SLC25A15: variants seen among roughly 807,000 people sequenced by gnomAD.
SLC25A15 encodes the protein solute carrier family 25 member 15, also known as mitochondrial ornithine transporter 1.
A neutral mutation model predicts 32.3 loss-of-function variants in SLC25A15; 24 were observed. That is an observed-to-expected ratio of 0.74 (90% CI 0.54 to 1.04). The LOEUF is 1.04. SLC25A15 is among the 50% of genes least tolerant of loss of function. SLC25A15 has a pLI of 0.00. For missense variants in SLC25A15, 317 were observed against 374.5 expected (o/e 0.85, Z 1.27); for synonymous variants, 132 against 142.1 (o/e 0.93, Z 0.51).
chr13:40,802,379 C>A (rs2138050113), intron 3 of SLC25A15: 1 of 152,322 alleles, frequency 6.6e-6, no homozygotes, highest in Non-Finnish European at 1.5e-5. Context: ...GAAGTCCTTA[C>A]TGCAAACAGT....
chr13:40,808,006 A>C (rs1271210469), intron 5 of SLC25A15, among the ~76,000 whole-genome samples: 1 of 152,214 alleles, frequency 6.6e-6, no homozygotes, highest in African/African-American at 2.4e-5. Context: ...ATGTTTAATA[A>C]AAACAATTTT....
chr13:40,800,486 T>A (rs1273808824), intron 3 of SLC25A15, among the ~76,000 whole-genome samples: 1 of 152,138 alleles, frequency 6.6e-6, no homozygotes, highest in East Asian at 1.9e-4. Flanking sequence ...TGTTCCCTGT[T>A]GAAGGAGAGA....
intron 1 of SLC25A15, among the ~76,000 whole-genome samples, 159 bp downstream of exon 1, chr13:40,789,822 G>A (rs964411838): frequency 4.3e-4 from 66 of 152,160 alleles, no homozygotes; most frequent in African/African-American, 1.5e-3. Flanking sequence ...CGCGGGACTC[G>A]GAGAATCTCG....
rs104894431 is a variant in SLC25A15 at position 40,809,585 on chromosome 13, G to T, written c.824G>T (p.Arg275Leu). 1 of 1,612,018 alleles carries T rather than the reference G, an allele frequency of 6.2e-7. No homozygotes were observed. The highest frequency in any genetic ancestry group is 1.7e-5 in the Admixed American group (1 of 59,996). ...LYSGLKPTMIRAFPANGALFL... is the reference protein window; with the variant it reads ...LYSGLKPTMILAFPANGALFL... ...TCTGGACTGAAACCTACTATGATTC[G>T]AGCATTCCCTGCCAATGGAGCACTC... Residue 275 changes from arginine to leucine, a missense_variant, in exon 7 of 7, where the codon CGA becomes CTA. Transcript: ENST00000338625.
intron 6 of SLC25A15, 66 bp downstream of exon 6, chr13:40,808,662 G>A: frequency 6.9e-7 from 1 of 1,459,278 alleles, no homozygotes; most frequent in Non-Finnish European, 9.4e-7. Flanking sequence ...GGCCGGGCGT[G>A]GTGGCTCATG....
chr13:40,805,284 G>T (rs1286920467), intron 4 of SLC25A15, 29 bp downstream of exon 4: 2 of 1,613,518 alleles, frequency 1.2e-6, no homozygotes, highest in African/African-American at 2.7e-5. Flanking sequence ...CAAACGTCAG[G>T]TCTCTATTGC....
chr13:40,807,328 A>G lies in SLC25A15; in HGVS notation c.487A>G (p.Lys163Glu), dbSNP rs747458822. 9 of 1,613,906 alleles carry G rather than the reference A, an allele frequency of 5.6e-6. No homozygotes were observed. In the South Asian group the frequency reaches 9.9e-5, roughly 18 times the overall value. ...VWSVIKSILR[K>E]DGPLGFYHGL... ...GTCTGTCATCAAAAGTATTCTTAGG[A>G]AAGATGGCCCCTTGGGGTTCTACCA... Residue 163 changes from lysine (K) to glutamate (E), a missense_variant, in exon 5 of 7, where the codon AAA becomes GAA. Lys to Glu is a moderately conservative substitution (Grantham distance 56). Coordinates refer to ENST00000338625, the MANE Select transcript of SLC25A15 (RefSeq NM_014252.4).
Position 40,807,481 on chromosome 13 carries a change from G to T in SLC25A15, c.622+18G>T. The T allele has an allele frequency of 1.2e-6, 2 of 1,613,556 alleles. No individual in the cohort carries two copies. Among genetic ancestry groups the T allele is most frequent in the South Asian group, 2.2e-5 (2 of 91,056 alleles). On this transcript the variant is annotated intron_variant, in intron 5 of 6. Transcript: ENST00000338625. ...TGAATTAGGTAAATGTGTTTGCATT[G>T]ACAGCAGTGGGGTGTGATGGTGTTT...
intron 2 of SLC25A15, 159 bp from the exon 3 acceptor site, chr13:40,798,898 T>G (rs1881764626): frequency 1.0e-6 from 1 of 985,292 alleles, no homozygotes; most frequent in South Asian, 4.7e-5. Context: ...AAGGACCTGC[T>G]CTAAATTGTT....
In SLC25A15 at chr13:40,795,775, A is replaced by T. The variant is rs1055353363; in HGVS notation, c.55+2494A>T. 2.0e-5 allele frequency among the ~76,000 whole-genome samples: 3 copies of T among 152,248 alleles called. No individual in the cohort carries two copies. The South Asian group carries it at 6.2e-4, about 32-fold the overall frequency. ...GGAATGCAAATGGAACCCACTTTTG[A>T]GGATCTTGGAGTCTTGGAGTGCTGG... On this transcript the variant is annotated intron_variant, in intron 2 of 6. Transcript: ENST00000338625.
intron 2 of SLC25A15, among the ~76,000 whole-genome samples, chr13:40,797,575 G>T (rs892410059): frequency 6.6e-6 from 1 of 152,106 alleles, no homozygotes; most frequent in Non-Finnish European, 1.5e-5. Context: ...ATTAAAGGCG[G>T]AAGTGTGTCA....
intron 1 of SLC25A15, among the ~76,000 whole-genome samples, chr13:40,792,436 C>A (rs560848521): frequency 3.7e-4 from 56 of 152,206 alleles, no homozygotes; most frequent in Non-Finnish European, 3.2e-4. Context: ...GCTACTCCTG[C>A]ACACGTTTAC....
chr13:40,809,856 A>G lies in SLC25A15; in HGVS notation c.*189A>G, dbSNP rs147308374. ...ATTTTGCATCATATCATTTCTGTCC[A>G]TAATTGTACTGAAATAGAAAAGTGA... On this transcript the variant is annotated 3_prime_UTR_variant, in exon 7 of 7. Coordinates refer to ENST00000338625, the MANE Select transcript of SLC25A15 (RefSeq NM_014252.4). The G allele has an allele frequency of 6.5e-4, 403 of 619,510 alleles. 2 individuals are homozygous for G. In the African/African-American group the frequency reaches 6.7e-3, roughly 10 times the overall value. The allele number at this position is 619,510 out of a possible 1,614,324, so 38.4% of individuals were successfully genotyped here. A position where few individuals can be genotyped will look rare whatever the true frequency, so the allele number is the denominator to read the frequency against.
chr13:40,793,376 A>G, intron 2 of SLC25A15, 95 bp downstream of exon 2: 2 of 1,092,064 alleles, frequency 1.8e-6, no homozygotes, highest in Non-Finnish European at 2.8e-6. Flanking sequence ...TTTTTACTGT[A>G]CCTTTTCTGT....
chr13:40,809,115 T>C (rs1016969830), intron 6 of SLC25A15, among the ~76,000 whole-genome samples: 2 of 152,136 alleles, frequency 1.3e-5, no homozygotes, highest in Non-Finnish European at 2.9e-5. Context: ...ACACCTCCCT[T>C]ATCTAATTCA....
intron 3 of SLC25A15, among the ~76,000 whole-genome samples, chr13:40,799,901 G>A (rs1005364561): frequency 5.3e-5 from 8 of 152,226 alleles, no homozygotes; most frequent in South Asian, 2.1e-4. Flanking sequence ...AAATGTCTGC[G>A]AAGATGCAAG....
Position 40,804,741 on chromosome 13 carries a change from A to G in SLC25A15, c.315-377A>G, listed in dbSNP as rs557921773. 7.0e-3 allele frequency among the ~76,000 whole-genome samples: 1,049 copies of G among 150,322 alleles called. 7 individuals carry two copies. The highest frequency in any genetic ancestry group is 8.9e-3 in the Non-Finnish European group (604 of 67,626). ...TTTTTTTTGTATTTTTAGTAGAGACAGGGTTTCACCATGTTAGCCAGGATG... is the reference window on the plus strand; with the variant it reads ...TTTTTTTTGTATTTTTAGTAGAGACGGGGTTTCACCATGTTAGCCAGGATG... On this transcript the variant is annotated intron_variant, in intron 3 of 6. Coordinates refer to ENST00000338625, the MANE Select transcript of SLC25A15 (RefSeq NM_014252.4).
In SLC25A15 at chr13:40,809,485, C is replaced by T. The variant is rs1473786145; in HGVS notation, c.782-58C>T. 1.9e-5 allele frequency: 30 copies of T among 1,607,578 alleles called. No homozygotes were observed. In the East Asian group the frequency reaches 2.2e-4, roughly 12 times the overall value. On this transcript the variant is annotated intron_variant, in intron 6 of 6. Transcript: ENST00000338625. Reference sequence around the variant, plus strand: ...TAAATATACCTATGCTATGCAGCTGCGTGGGTATCCCCAAAGGAGGGATTG... The same window carrying T: ...TAAATATACCTATGCTATGCAGCTGTGTGGGTATCCCCAAAGGAGGGATTG...
Position 40,799,175 on chromosome 13 carries a change from GGGCTTCCGT to G in SLC25A15, c.181_189del (p.Arg61_Phe63del), listed in dbSNP as rs764589606. On this transcript the variant is annotated inframe_deletion, in exon 3 of 7. Transcript: ENST00000338625. Reference sequence around the variant, plus strand: ...GCTGCCTGAAGACTTACTCCCAGGTGGGCTTCCGTGGCTTCTACAAGGGTACCAGTCCAG... The same window carrying G: ...GCTGCCTGAAGACTTACTCCCAGGTGGGCTTCTACAAGGGTACCAGTCCAG... 2 of 1,614,066 alleles carry G rather than the reference GGGCTTCCGT, an allele frequency of 1.2e-6. No homozygotes were observed. Among genetic ancestry groups the G allele is most frequent in the African/African-American group, 2.7e-5 (2 of 74,908 alleles).
Sources: gnomAD v4.1 joint callset for allele counts (sites outside exome capture counted in the v4.1 genomes callset) on GRCh38, gnomAD v4.1.1 for gene constraint, MANE v1.5 for transcripts, NCBI Gene and HGNC (gene_info 2026-07-23, HGNC 2026-07-21) for gene names.